The following PTPRM variants were observed in gnomAD, a reference collection of about 807,000 sequenced individuals.
The protein encoded by PTPRM is receptor-type tyrosine-protein phosphatase mu.
Under a neutral mutation model 186.7 loss-of-function variants are expected in PTPRM, and 47 were observed. The observed-to-expected ratio is 0.25, with a 90% CI of 0.20 to 0.32. The LOEUF is 0.32. Ranked by LOEUF, PTPRM falls within the 10% of genes least tolerant of loss-of-function variation. The pLI, the probability that PTPRM is intolerant of heterozygous loss-of-function variation, is 1.00. For missense variants in PTPRM, 1,494 were observed against 1,865.0 expected, an observed-to-expected ratio of 0.80 and a Z score of 3.66; for synonymous variants, 668 against 674.9, an observed-to-expected ratio of 0.99 and a Z score of 0.16.
intron 19 of PTPRM, among the ~76,000 whole-genome samples, chr18:8,276,928 G>T (rs992537862): frequency 6.9e-6 from 1 of 144,426 alleles, no homozygotes; most frequent in Non-Finnish European, 1.5e-5. Context: ...GATTTGTAGA[G>T]ATTTGCCAAA....
chr18:8,324,026 G>C (rs2095361311), intron 22 of PTPRM, among the ~76,000 whole-genome samples: 2 of 152,002 alleles, frequency 1.3e-5, no homozygotes, highest in South Asian at 4.2e-4. Flanking sequence ...AAAGCTATTT[G>C]GGGATAAGAC....
chr18:7,958,835 A>G (rs1455117209), intron 7 of PTPRM, among the ~76,000 whole-genome samples: 1 of 152,184 alleles, frequency 6.6e-6, no homozygotes, highest in Non-Finnish European at 1.5e-5. Flanking sequence ...AGTGAAGTAA[A>G]ATAAATTTGA....
chr18:7,704,790 G>A (rs1396484411), intron 1 of PTPRM, among the ~76,000 whole-genome samples: 4 of 152,020 alleles, frequency 2.6e-5, no homozygotes, highest in Non-Finnish European at 4.4e-5. Flanking sequence ...AATAATAATT[G>A]TTTACTTATT....
chr18:8,159,084 C>A (rs1276708986), intron 14 of PTPRM, among the ~76,000 whole-genome samples: 11 of 152,096 alleles, frequency 7.2e-5, no homozygotes, highest in Admixed American at 7.2e-4. Context: ...AATGGTTTAC[C>A]TCTGGAATCT....
At chr18:8,006,315 G>A (rs550983223) in intron 7 of PTPRM, among the ~76,000 whole-genome samples, 10 of 152,184 alleles carry the variant, frequency 6.6e-5, no homozygotes, top group Non-Finnish European at 1.5e-4. Flanking sequence ...TAATGGGCCT[G>A]TATGCTATGC....
chr18:8,348,663 G>C (rs2095518556), intron 23 of PTPRM, among the ~76,000 whole-genome samples: 1 of 152,222 alleles, frequency 6.6e-6, no homozygotes, highest in Non-Finnish European at 1.5e-5. Context: ...CAAAAACTCT[G>C]TTGTGGTATT....
intron 14 of PTPRM, among the ~76,000 whole-genome samples, chr18:8,232,944 G>T (rs1025017652): frequency 2.0e-5 from 3 of 152,036 alleles, no homozygotes; most frequent in Non-Finnish European, 4.4e-5. Context: ...ATTGTCAGTC[G>T]GCCATTTGGT....
At chr18:7,739,632 T>C (rs754150747) in intron 1 of PTPRM, among the ~76,000 whole-genome samples, 2 of 152,224 alleles carry the variant, frequency 1.3e-5, no homozygotes, top group Admixed American at 6.5e-5. Context: ...TTGGGAGTCA[T>C]TGGATTTTCC....
chr18:8,128,761 A>G lies in PTPRM; in HGVS notation c.2167+13934A>G, dbSNP rs148348998. On this transcript the variant is annotated intron_variant, in intron 13 of 32. Coordinates refer to ENST00000580170, the MANE Select transcript of PTPRM (RefSeq NM_001105244.2). ...GATTTCAGAAACAATATATTTTAAAATCTCTATATTGCACTGAAATAGTAT... is the reference window on the plus strand; with the variant it reads ...GATTTCAGAAACAATATATTTTAAAGTCTCTATATTGCACTGAAATAGTAT... Among the ~76,000 whole-genome samples, 102 of 152,278 alleles carry G rather than the reference A, an allele frequency of 6.7e-4. 2 individuals are homozygous for G. The highest frequency in any genetic ancestry group is 2.3e-3 in the African/African-American group (97 of 41,566).
chr18:8,263,342 C>T (rs2094656576), intron 19 of PTPRM, among the ~76,000 whole-genome samples: 1 of 152,146 alleles, frequency 6.6e-6, no homozygotes, highest in East Asian at 1.9e-4. Context: ...CTCCTGACCT[C>T]AAGTGATCCA....
chr18:7,748,250 A>G (rs1338606987), intron 1 of PTPRM, among the ~76,000 whole-genome samples: 1 of 152,234 alleles, frequency 6.6e-6, no homozygotes, highest in African/African-American at 2.4e-5. Context: ...TAAGGAAAGA[A>G]TGTTTAATTT....
At chr18:7,979,706 A>G (rs1164108826) in intron 7 of PTPRM, among the ~76,000 whole-genome samples, 1 of 152,244 alleles carries the variant, frequency 6.6e-6, no homozygotes, top group Non-Finnish European at 1.5e-5. Context: ...AAGCCCAGGC[A>G]CTGGCATTTT....
chr18:8,096,603 G>C (rs1001549082), intron 11 of PTPRM, among the ~76,000 whole-genome samples: 3 of 152,184 alleles, frequency 2.0e-5, no homozygotes, highest in African/African-American at 7.2e-5. Flanking sequence ...TATAAACTCA[G>C]AGCACTAAAA....
At chr18:7,844,487 A>G (rs1237109803) in intron 2 of PTPRM, among the ~76,000 whole-genome samples, 1 of 152,060 alleles carries the variant, frequency 6.6e-6, no homozygotes, top group African/African-American at 2.4e-5. Flanking sequence ...CCCCCTCAAC[A>G]TGCAATGGTA....
intron 7 of PTPRM, among the ~76,000 whole-genome samples, chr18:7,988,845 T>C (rs1334112381): frequency 6.6e-6 from 1 of 152,156 alleles, no homozygotes; most frequent in Admixed American, 6.5e-5. Context: ...TACCTTTTGA[T>C]TATTTTGAAT....
intron 20 of PTPRM, 81 bp from the exon 21 acceptor site, chr18:8,314,700 A>G (rs766923776): frequency 1.1e-6 from 1 of 911,646 alleles, no homozygotes; most frequent in Non-Finnish European, 1.8e-6. Context: ...TCTCTATGTA[A>G]TATGCTTACA....
At chr18:8,305,561 A>G (rs1170657047) in intron 20 of PTPRM, among the ~76,000 whole-genome samples, 1 of 152,194 alleles carries the variant, frequency 6.6e-6, no homozygotes, top group East Asian at 1.9e-4. Context: ...CACAACTAGA[A>G]AGCAGCATAA....
chr18:7,730,643 A>G (rs2040639592), intron 1 of PTPRM, among the ~76,000 whole-genome samples: 1 of 152,196 alleles, frequency 6.6e-6, no homozygotes, highest in Non-Finnish European at 1.5e-5. Context: ...GCTCAGAAAC[A>G]TGAAGTATGA....
At chr18:8,338,035 T>C (rs2095450372) in intron 22 of PTPRM, among the ~76,000 whole-genome samples, 1 of 152,078 alleles carries the variant, frequency 6.6e-6, no homozygotes, top group African/African-American at 2.4e-5. Flanking sequence ...GTTGTATTCA[T>C]CCACTTGGTA....
Sources: gnomAD v4.1 joint callset for allele counts (sites outside exome capture counted in the v4.1 genomes callset) on GRCh38, gnomAD v4.1.1 for gene constraint, MANE v1.5 for transcripts, NCBI Gene and HGNC (gene_info 2026-07-23, HGNC 2026-07-21) for gene names.